Variants in KIAA0930 observed in about 807,000 individuals in gnomAD.
The protein encoded by KIAA0930 is uncharacterized protein KIAA0930.
Under a neutral mutation model 43.9 loss-of-function variants are expected in KIAA0930, and 24 were observed. That is an observed-to-expected ratio of 0.55 (90% confidence interval 0.40 to 0.77). The LOEUF is 0.77. KIAA0930 is among the 30% of genes least tolerant of loss of function. The pLI, the probability that KIAA0930 is intolerant of heterozygous loss-of-function variation, is 0.00. For missense variants in KIAA0930, 461 were observed against 574.2 expected, an observed-to-expected ratio of 0.80 and a Z score of 2.02; for synonymous variants, 259 against 216.4, an observed-to-expected ratio of 1.20 and a Z score of -1.73.
rs1040668472 is a variant in KIAA0930, at chr22:45,193,492, C to G, written c.*3684G>C. ...CTAACTAGTCTATTTATGATTAAAA[C>G]AGCAAAAACAGATCCTGGTTTGAGT... On this transcript the variant is annotated 3_prime_UTR_variant, in exon 10 of 10. Coordinates refer to ENST00000336156, the MANE Select transcript of KIAA0930 (RefSeq NM_001009880.2). The G allele has an allele frequency of 1.3e-5, 2 of 152,126 alleles. No individual in the cohort carries two copies. The highest frequency in any genetic ancestry group is 2.9e-5 in the Non-Finnish European group (2 of 68,032). 9.4% of individuals were successfully genotyped at this position (152,126 alleles called of 1,614,324 possible).
At chr22:45,234,076 T>G (rs1054379950) in intron 1 of KIAA0930, among the ~76,000 whole-genome samples, 1 of 152,142 alleles carries the variant, frequency 6.6e-6, no homozygotes, top group Non-Finnish European at 1.5e-5. Flanking sequence ...GAGAGGCTGG[T>G]TGAATTCTGA....
At chr22:45,225,388 G>A (rs9615069) in intron 1 of KIAA0930, among the ~76,000 whole-genome samples, 3,221 of 152,268 alleles carry the variant, frequency 0.021, 62 homozygotes, top group Non-Finnish European at 0.034. Flanking sequence ...AAAGGGAAGC[G>A]TGGGGTCTCC....
intron 8 of KIAA0930, 131 bp downstream of exon 8, chr22:45,199,742 G>T (rs2083569583): frequency 1.0e-6 from 1 of 981,438 alleles, no homozygotes; most frequent in Non-Finnish European, 1.4e-6. Flanking sequence ...GGGCTGCCTG[G>T]CACATGGCAC....
At chr22:45,235,625 G>C (rs899478116) in intron 1 of KIAA0930, among the ~76,000 whole-genome samples, 2 of 152,190 alleles carry the variant, frequency 1.3e-5, no homozygotes, top group African/African-American at 4.8e-5. Flanking sequence ...CTGATTCCAC[G>C]TGCAGGCACT....
intron 6 of KIAA0930, 113 bp downstream of exon 6, chr22:45,203,732 G>A (rs1240102166): frequency 2.3e-5 from 28 of 1,219,462 alleles, no homozygotes; most frequent in East Asian, 1.8e-4. Context: ...TACCCCTGGC[G>A]GCCGCTACCA....
chr22:45,213,594 A>C lies in KIAA0930; in HGVS notation c.65-1487T>G, dbSNP rs1167072465. Reference sequence around the variant, plus strand: ...CGCTACTACAGACCCTTGCAAAATTAAGCAAAGCGCTGTGATTATTCCTGG... The same window carrying C: ...CGCTACTACAGACCCTTGCAAAATTCAGCAAAGCGCTGTGATTATTCCTGG... On this transcript the variant is annotated intron_variant, in intron 1 of 9. Transcript: ENST00000336156. 12 of 681,224 alleles carry C rather than the reference A, an allele frequency of 1.8e-5. No homozygotes were observed. In the East Asian group the frequency reaches 1.2e-3, roughly 66 times the overall value. 42.2% of individuals were successfully genotyped at this position (681,224 alleles called of 1,614,324 possible).
chr22:45,208,792 G>A (rs1042857053), intron 2 of KIAA0930, among the ~76,000 whole-genome samples: 8 of 152,230 alleles, frequency 5.3e-5, no homozygotes, highest in African/African-American at 9.6e-5. Context: ...GGGCTTCGCC[G>A]CTGGCAAACT....
intron 1 of KIAA0930, among the ~76,000 whole-genome samples, chr22:45,230,608 G>A (rs755967890): frequency 9.1e-5 from 12 of 131,422 alleles, no homozygotes; most frequent in African/African-American, 2.9e-4. Context: ...TTGAGACGAT[G>A]TCTTGCTCTG....
In KIAA0930 at chr22:45,212,031, C is replaced by T. The variant is rs776988106; in HGVS notation, c.141G>A (p.Arg47=). ...STYFMEKWAP[R]QDDMLFYVRR... ...GCACATAGAAAAGCATGTCGTCCTG[C>T]CGGGGAGCCCATTTCTCCATGAAGT... is the stretch of plus-strand genomic sequence containing the variant. The change falls in exon 2 of 10, where the codon CGG becomes CGA. Residue 47 remains arginine, a synonymous_variant. Coordinates refer to ENST00000336156, the MANE Select transcript of KIAA0930 (RefSeq NM_001009880.2). The T allele has an allele frequency of 6.2e-7, 1 of 1,613,836 alleles. No individual in the cohort carries two copies. The highest frequency in any genetic ancestry group is 8.5e-7 in the Non-Finnish European group (1 of 1,180,034).
chr22:45,232,825 C>G (rs1359812863), intron 1 of KIAA0930, among the ~76,000 whole-genome samples: 1 of 152,150 alleles, frequency 6.6e-6, no homozygotes, highest in East Asian at 1.9e-4. Flanking sequence ...TGTGGTGGGG[C>G]TGAGCCAGGG....
chr22:45,205,131 G>T, intron 5 of KIAA0930, 86 bp downstream of exon 5: 1 of 1,106,174 alleles, frequency 9.0e-7, no homozygotes, highest in Non-Finnish European at 1.4e-6. Flanking sequence ...ATGCCTTTCT[G>T]CAAGGCTAAG....
intron 5 of KIAA0930, among the ~76,000 whole-genome samples, chr22:45,204,632 G>A (rs1057103339): frequency 1.3e-5 from 2 of 152,040 alleles, no homozygotes; most frequent in East Asian, 3.9e-4. Context: ...ATGCGCACAA[G>A]GACCCCGACC....
At chr22:45,197,650 G>T (rs991628817) in intron 9 of KIAA0930, 140 bp downstream of exon 9, 5 of 812,702 alleles carry the variant, frequency 6.2e-6, no homozygotes, top group Non-Finnish European at 9.9e-6. Context: ...GAGACAAAGA[G>T]GCCAAGAGCC....
chr22:45,237,530 G>A (rs1343602064), intron 1 of KIAA0930, among the ~76,000 whole-genome samples: 1 of 152,240 alleles, frequency 6.6e-6, no homozygotes, highest in Non-Finnish European at 1.5e-5. Context: ...CTCAGAGACA[G>A]ACACTGACTC....
chr22:45,200,166 C>T, intron 7 of KIAA0930, 131 bp from the exon 8 acceptor site: 2 of 908,388 alleles, frequency 2.2e-6, no homozygotes, highest in Non-Finnish European at 3.1e-6. Flanking sequence ...CCCAGGAGGA[C>T]CCAGGCCCAG....
chr22:45,216,877 C>T (rs2083736245), intron 1 of KIAA0930, among the ~76,000 whole-genome samples: 1 of 152,134 alleles, frequency 6.6e-6, no homozygotes, highest in African/African-American at 2.4e-5. Context: ...TGCCTTCCCT[C>T]CCTTCCCTCC....
chr22:45,240,534 G>A, intron 1 of KIAA0930, 106 bp downstream of exon 1: 3 of 734,934 alleles, frequency 4.1e-6, no homozygotes, highest in South Asian at 3.2e-5. Flanking sequence ...CACGACACCC[G>A]CGCAGAGACA....
intron 1 of KIAA0930, among the ~76,000 whole-genome samples, chr22:45,238,915 T>C (rs2083902284): frequency 6.6e-6 from 1 of 150,506 alleles, no homozygotes; most frequent in Admixed American, 6.6e-5. Flanking sequence ...CCTCAGGCTC[T>C]TCATCGCTGA....
Position 45,205,791 on chromosome 22 carries a change from AC to A in KIAA0930, c.336+1del. On this transcript the variant is annotated splice_donor_variant, in intron 3 of 9. Coordinates refer to ENST00000336156, the MANE Select transcript of KIAA0930 (RefSeq NM_001009880.2). LOFTEE classifies it high-confidence loss of function. ...CGCAGCCCCACCCATCCCACCCCATACCTTCTGCAGGATGAGATTCAGGCAG... is the reference window on the plus strand; with the variant it reads ...CGCAGCCCCACCCATCCCACCCCATACTTCTGCAGGATGAGATTCAGGCAG... 1 of 1,133,706 alleles carries A rather than the reference AC, an allele frequency of 8.8e-7. No individual in the cohort carries two copies. The highest frequency in any genetic ancestry group is 1.3e-6 in the Non-Finnish European group (1 of 798,278). 70.2% of individuals were successfully genotyped at this position (1,133,706 alleles called of 1,614,324 possible).
Sources: gnomAD v4.1 joint callset for allele counts (sites outside exome capture counted in the v4.1 genomes callset) on GRCh38, gnomAD v4.1.1 for gene constraint, MANE v1.5 for transcripts, NCBI Gene and HGNC (gene_info 2026-07-23, HGNC 2026-07-21) for gene names.